Variants in ZBBX observed in about 807,000 individuals in gnomAD.
ZBBX encodes the protein zinc finger B-box domain-containing protein 1.
ZBBX carries 101 observed loss-of-function variants against 108.5 expected under a neutral mutation model. The ratio of observed to expected loss-of-function variants is 0.93; its 90% CI spans 0.79 to 1.10. ZBBX has a LOEUF of 1.10. Ranked by LOEUF, ZBBX falls within the 50% of genes least tolerant of loss-of-function variation. The probability of loss-of-function intolerance (pLI) is 0.00; values close to 1 mark genes in which losing one functional copy is unlikely to be tolerated. For missense variants in ZBBX, 1,009 were observed against 941.4 expected (o/e 1.07, Z -0.94); for synonymous variants, 356 against 323.4 (o/e 1.10, Z -1.08).
chr3:167,273,782 GAAGC>G (rs1350171090), intron 20 of ZBBX, among the ~76,000 whole-genome samples: 1 of 152,158 alleles, frequency 6.6e-6, no homozygotes, highest in African/African-American at 2.4e-5. Context: ...CAAAATAAAA[GAAGC>G]CCCTTATGGG....
At chr3:167,405,359 GA>G (rs1487333672) in intron 1 of ZBBX, among the ~76,000 whole-genome samples, 1 of 152,116 alleles carries the variant, frequency 6.6e-6, no homozygotes, top group Admixed American at 6.6e-5. Context: ...CTGCAATGAA[GA>G]AAAGAAGAAA....
chr3:167,244,962 T>C (rs1175652729), intron 20 of ZBBX, among the ~76,000 whole-genome samples: 1 of 151,988 alleles, frequency 6.6e-6, no homozygotes, highest in East Asian at 1.9e-4. Flanking sequence ...CTATATTCCA[T>C]AGATAAATAA....
intron 1 of ZBBX, among the ~76,000 whole-genome samples, chr3:167,396,544 A>C (rs1748240252): frequency 6.6e-6 from 1 of 152,074 alleles, no homozygotes; most frequent in South Asian, 2.1e-4. Context: ...GATTGGGCTT[A>C]TTTTTAAGTA....
the ZBBX span, among the ~76,000 whole-genome samples, chr3:167,207,162 G>C: frequency 6.6e-6 from 1 of 152,132 alleles, no homozygotes; most frequent in African/African-American, 2.4e-5. Flanking sequence ...CAGCAAAGGA[G>C]ACAATCACTG....
intron 6 of ZBBX, among the ~76,000 whole-genome samples, chr3:167,365,361 A>C (rs2108565036): frequency 6.6e-6 from 1 of 151,860 alleles, no homozygotes; most frequent in South Asian, 2.1e-4. Flanking sequence ...CTTAAATATA[A>C]TATTATATTT....
chr3:167,234,542 T>A, the ZBBX span, among the ~76,000 whole-genome samples: 1 of 151,906 alleles, frequency 6.6e-6, no homozygotes, highest in Non-Finnish European at 1.5e-5. Context: ...GAATTGATTA[T>A]ATAAGAAACT....
intron 16 of ZBBX, among the ~76,000 whole-genome samples, chr3:167,310,203 A>G (rs1204557114): frequency 6.6e-6 from 1 of 152,172 alleles, no homozygotes; most frequent in Non-Finnish European, 1.5e-5. Context: ...TCCATCTGAA[A>G]CCATCTCAGC....
chr3:167,372,557 T>C (rs1251331879), intron 4 of ZBBX, among the ~76,000 whole-genome samples: 1 of 152,192 alleles, frequency 6.6e-6, no homozygotes, highest in Non-Finnish European at 1.5e-5. Flanking sequence ...TAACTTTGAA[T>C]AAGGGCCATG....
chr3:167,264,372 G>T (rs1042475827), intron 20 of ZBBX, among the ~76,000 whole-genome samples: 14 of 151,538 alleles, frequency 9.2e-5, no homozygotes, highest in Non-Finnish European at 2.9e-5. Context: ...TATATCTTTT[G>T]TATGTTTTTC....
chr3:167,360,535 G>T, intron 7 of ZBBX, 140 bp downstream of exon 7: 1 of 432,334 alleles, frequency 2.3e-6, no homozygotes, highest in Non-Finnish European at 3.9e-6. Flanking sequence ...AATTTATGTT[G>T]AAAATCAATG....
At chr3:167,189,615 C>T in the ZBBX span, among the ~76,000 whole-genome samples, 17 of 152,068 alleles carry the variant, frequency 1.1e-4, no homozygotes, top group Admixed American at 2.0e-4. Flanking sequence ...TTCATACAGA[C>T]GTATACATTT....
rs370270779 is a variant in ZBBX at position 167,350,513 on chromosome 3, T to G, written c.435A>C (p.Val145=). 120 of 1,570,376 alleles carry G rather than the reference T, an allele frequency of 7.6e-5. No homozygotes were observed. In the Admixed American group the frequency reaches 1.0e-3, roughly 14 times the overall value. ...AATAATCTTCTCCACATTCAAGGCA[T>G]ACCTAAAAAGATATTTTTTAAAAAA... is the stretch of plus-strand genomic sequence containing the variant. ...GQCENKAALL[V]CLECGEDYCS... Residue 145 remains valine, a splice_region_variant and synonymous_variant, in exon 9 of 22, where the codon GTA becomes GTC. Coordinates refer to ENST00000675490, the MANE Select transcript of ZBBX (RefSeq NM_001199201.2).
chr3:167,376,102 T>C (rs1026561030), intron 2 of ZBBX, among the ~76,000 whole-genome samples: 1 of 152,156 alleles, frequency 6.6e-6, no homozygotes. Flanking sequence ...AGACTCAATT[T>C]TCAACCACCA....
chr3:167,315,059 C>T (rs1735206409), intron 15 of ZBBX, among the ~76,000 whole-genome samples: 3 of 152,080 alleles, frequency 2.0e-5, no homozygotes, highest in Admixed American at 2.0e-4. Flanking sequence ...AGGCCCATAG[C>T]TATTGCAAAA....
chr3:167,294,356 C>A (rs1055022003), intron 18 of ZBBX, among the ~76,000 whole-genome samples: 7 of 152,038 alleles, frequency 4.6e-5, no homozygotes, highest in Non-Finnish European at 7.4e-5. Context: ...GATATATAGA[C>A]CAATGGAACA....
intron 16 of ZBBX, among the ~76,000 whole-genome samples, chr3:167,310,851 CTAAA>C (rs1734454404): frequency 6.6e-6 from 1 of 152,112 alleles, no homozygotes; most frequent in Non-Finnish European, 1.5e-5. Context: ...AATCAAAATT[CTAAA>C]TAAATAGAGA....
the ZBBX span, among the ~76,000 whole-genome samples, chr3:167,198,572 A>G: frequency 6.6e-6 from 1 of 152,178 alleles, no homozygotes; most frequent in Non-Finnish European, 1.5e-5. Context: ...GCCATATAAT[A>G]GTGATTGTGA....
chr3:167,374,254 C>A (rs1183293159), intron 2 of ZBBX, among the ~76,000 whole-genome samples: 2 of 151,982 alleles, frequency 1.3e-5, no homozygotes, highest in Non-Finnish European at 2.9e-5. Flanking sequence ...TGGCTCAGAT[C>A]AGAAATTAGC....
intron 6 of ZBBX, among the ~76,000 whole-genome samples, chr3:167,363,166 A>G (rs1467356552): frequency 6.6e-6 from 1 of 151,934 alleles, no homozygotes; most frequent in African/African-American, 2.4e-5. Flanking sequence ...TCCAATATCT[A>G]TGTACCACTG....
Sources: gnomAD v4.1 joint callset for allele counts (sites outside exome capture counted in the v4.1 genomes callset) on GRCh38, gnomAD v4.1.1 for gene constraint, MANE v1.5 for transcripts, NCBI Gene and HGNC (gene_info 2026-07-23, HGNC 2026-07-21) for gene names.